The following NAALADL2 variants were observed in gnomAD, a reference collection of about 807,000 sequenced individuals.
NAALADL2 encodes the protein inactive N-acetylated-alpha-linked acidic dipeptidase-like protein 2.
In NAALADL2, 76 loss-of-function variants were observed where a neutral mutation model predicts 87.2. That is an observed-to-expected ratio of 0.87 (90% CI 0.72 to 1.05). The LOEUF (loss-of-function observed/expected upper bound fraction) is 1.05. Ranked by LOEUF, NAALADL2 falls within the 50% of genes least tolerant of loss-of-function variation. The pLI is 0.00. For missense variants in NAALADL2, 1,089 were observed against 945.8 expected (o/e 1.15, Z -1.99); for synonymous variants, 354 against 331.0 (o/e 1.07, Z -0.75).
chr3:175,240,894 C>T (rs1036356699), intron 3 of NAALADL2, among the ~76,000 whole-genome samples: 1 of 152,160 alleles, frequency 6.6e-6, no homozygotes, highest in African/African-American at 2.4e-5. Flanking sequence ...CTCCCGACCT[C>T]AGGTGATCCA....
intron 2 of NAALADL2, among the ~76,000 whole-genome samples, chr3:174,720,989 CTGT>C (rs1370623874): frequency 6.6e-6 from 1 of 152,092 alleles, no homozygotes; most frequent in Non-Finnish European, 1.5e-5. Context: ...CTTCAGCAGA[CTGT>C]TGTTGAATTT....
chr3:175,470,449 C>A (rs961693202), intron 8 of NAALADL2, among the ~76,000 whole-genome samples: 3 of 151,946 alleles, frequency 2.0e-5, no homozygotes, highest in Non-Finnish European at 4.4e-5. Context: ...ATCATAACAT[C>A]ACTTTGTACT....
At position 175,357,830 on chromosome 3, in the gene NAALADL2, T is replaced by G. The variant is rs1217890508; in HGVS notation, c.1090+33505T>G. 2.0e-5 allele frequency among the ~76,000 whole-genome samples: 3 copies of G among 152,204 alleles called. No homozygotes were observed. In the East Asian group the frequency reaches 5.8e-4, roughly 29 times the overall value. ...ACCTTAAGTATTATAAATGAATGGA[T>G]TAGAATAAAGGGAATTGGGTTTATA... On this transcript the variant is annotated intron_variant, in intron 5 of 13. Coordinates refer to ENST00000454872, the MANE Select transcript of NAALADL2 (RefSeq NM_207015.3).
At chr3:174,837,808 C>T (rs1723519842) in intron 3 of NAALADL2, among the ~76,000 whole-genome samples, 1 of 151,362 alleles carries the variant, frequency 6.6e-6, no homozygotes, top group South Asian at 2.1e-4. Flanking sequence ...AAAACAAACA[C>T]AAAAACAAAA....
rs1040068432 is a variant in NAALADL2, at chr3:175,412,795, T to G, written c.1091-34434T>G. Reference sequence around the variant, plus strand: ...TTAAATTTCAATAAACATCAGCCATTTCTGAAATTATCCATCTGATTATTT... The same window carrying G: ...TTAAATTTCAATAAACATCAGCCATGTCTGAAATTATCCATCTGATTATTT... On this transcript the variant is annotated intron_variant, in intron 5 of 13. Coordinates refer to ENST00000454872, the MANE Select transcript of NAALADL2 (RefSeq NM_207015.3). Among the ~76,000 whole-genome samples, 34 of 151,322 alleles carry G rather than the reference T, an allele frequency of 2.2e-4. 1 individual carries two copies. Among genetic ancestry groups the G allele is most frequent in the African/African-American group, 7.3e-4 (30 of 41,308 alleles).
intron 1 of NAALADL2, among the ~76,000 whole-genome samples, chr3:174,535,922 C>G (rs1399857862): frequency 6.6e-6 from 1 of 151,926 alleles, no homozygotes; most frequent in Non-Finnish European, 1.5e-5. Flanking sequence ...CACTTAACAT[C>G]TGATCAAAGA....
At chr3:175,159,649 T>G (rs565143346) in intron 2 of NAALADL2, among the ~76,000 whole-genome samples, 133 of 152,290 alleles carry the variant, frequency 8.7e-4, no homozygotes, top group Middle Eastern at 3.4e-3. Flanking sequence ...CATAAAGGAA[T>G]ATTTTTGATT....
intron 2 of NAALADL2, among the ~76,000 whole-genome samples, chr3:175,109,123 C>A (rs1371774062): frequency 6.6e-6 from 1 of 151,732 alleles, no homozygotes; most frequent in African/African-American, 2.4e-5. Flanking sequence ...AAATCGCATA[C>A]AAACATAAGC....
chr3:174,734,288 G>A (rs140890963), intron 2 of NAALADL2, among the ~76,000 whole-genome samples: 1 of 152,210 alleles, frequency 6.6e-6, no homozygotes, highest in East Asian at 1.9e-4. Context: ...GTGTGTATAG[G>A]CAGGTATGCA....
At chr3:175,134,333 G>A (rs1258375642) in intron 2 of NAALADL2, among the ~76,000 whole-genome samples, 1 of 152,160 alleles carries the variant, frequency 6.6e-6, no homozygotes. Context: ...AGAGTTATTT[G>A]TGCACGTTTC....
intron 2 of NAALADL2, among the ~76,000 whole-genome samples, chr3:174,599,040 A>G (rs1475651279): frequency 6.6e-6 from 1 of 152,172 alleles, no homozygotes; most frequent in Non-Finnish European, 1.5e-5. Flanking sequence ...TCAGCTTGTC[A>G]GCGATGACAG....
chr3:175,143,000 C>T (rs1256335850), intron 2 of NAALADL2, among the ~76,000 whole-genome samples: 1 of 151,768 alleles, frequency 6.6e-6, no homozygotes, highest in Admixed American at 6.6e-5. Context: ...TTTATTCTTC[C>T]TTCTAGGGGA....
At chr3:175,142,415 C>G (rs560146339) in intron 2 of NAALADL2, among the ~76,000 whole-genome samples, 9 of 151,930 alleles carry the variant, frequency 5.9e-5, no homozygotes, top group Non-Finnish European at 2.9e-5. Context: ...ATGTATGTTA[C>G]TATATATATT....
chr3:174,898,376 AATAG>A (rs1731874842), intron 1 of NAALADL2, among the ~76,000 whole-genome samples: 3 of 151,354 alleles, frequency 2.0e-5, no homozygotes, highest in Admixed American at 1.3e-4. Context: ...ATGCGATAAT[AATAG>A]ATAAGTAATA....
chr3:175,013,758 A>C (rs1438405400), intron 1 of NAALADL2, among the ~76,000 whole-genome samples: 3 of 151,962 alleles, frequency 2.0e-5, no homozygotes, highest in African/African-American at 7.3e-5. Context: ...CTTTATATAC[A>C]ACTCTCCTGG....
intron 2 of NAALADL2, among the ~76,000 whole-genome samples, chr3:175,117,633 T>C (rs1162673673): frequency 6.7e-6 from 1 of 150,336 alleles, no homozygotes; most frequent in African/African-American, 2.5e-5. Context: ...CTGGAGAGGA[T>C]GTGGAGAAAT....
chr3:174,804,597 G>C (rs969210785), intron 3 of NAALADL2, among the ~76,000 whole-genome samples: 1 of 152,150 alleles, frequency 6.6e-6, no homozygotes, highest in African/African-American at 2.4e-5. Flanking sequence ...GATACTGGCT[G>C]TGGGTTTGTC....
chr3:174,567,513 TTAAG>T (rs1168569263), intron 2 of NAALADL2, among the ~76,000 whole-genome samples: 5 of 151,634 alleles, frequency 3.3e-5, no homozygotes, highest in African/African-American at 1.2e-4. Flanking sequence ...TTAGTGCATA[TTAAG>T]TATCATCATA....
chr3:174,479,809 T>G (rs1302149555), intron 1 of NAALADL2, among the ~76,000 whole-genome samples: 3 of 151,222 alleles, frequency 2.0e-5, no homozygotes, highest in Non-Finnish European at 3.0e-5. Context: ...GAATCAGGTG[T>G]TTTTTTTTCT....
Sources: allele counts gnomAD v4.1 joint callset (sites outside exome capture counted in the v4.1 genomes callset), GRCh38; gene constraint gnomAD v4.1.1; transcripts MANE v1.5; gene names NCBI Gene and HGNC (gene_info 2026-07-23, HGNC 2026-07-21).